Variants in ENO4 observed in about 807,000 individuals in gnomAD.
ENO4 encodes enolase 4, also known as 2-phospho-D-glycerate hydro-lyase.
Under a neutral mutation model 63.2 loss-of-function variants are expected in ENO4, and 53 were observed. That is an observed-to-expected ratio of 0.84 (90% CI 0.67 to 1.05). The LOEUF is 1.05. Ranked by LOEUF, ENO4 falls within the 50% of genes least tolerant of loss-of-function variation. The probability of loss-of-function intolerance (pLI) is 0.00; values close to 1 mark genes in which losing one functional copy is unlikely to be tolerated. For missense variants in ENO4, 719 were observed against 772.0 expected (o/e 0.93, Z 0.81); for synonymous variants, 266 against 283.8 (o/e 0.94, Z 0.63).
chr10:116,884,823 A>G (rs1847115561), downstream of ENO4: 1 of 155,896 alleles, frequency 6.4e-6, no homozygotes, highest in South Asian at 1.9e-4. Flanking sequence ...TGCCTTTTTA[A>G]TAAGTTGTGG....
intron 10 of ENO4, chr10:116,901,369 C>T (rs1472689674): frequency 3.4e-5 from 33 of 985,058 alleles, no homozygotes; most frequent in Admixed American, 6.2e-5. Flanking sequence ...GTTGTAAAAA[C>T]GTGCCCTTCT....
chr10:116,889,403 G>T (rs1438637773), intron 10 of ENO4, among the ~76,000 whole-genome samples: 1 of 152,202 alleles, frequency 6.6e-6, no homozygotes, highest in East Asian at 1.9e-4. Flanking sequence ...GCTACAATTT[G>T]AGAACCCCTT....
intron 9 of ENO4, among the ~76,000 whole-genome samples, chr10:116,872,423 T>C (rs1589761090): frequency 6.6e-6 from 1 of 151,966 alleles, no homozygotes; most frequent in Non-Finnish European, 1.5e-5. Context: ...TGGTGGCGGG[T>C]CTTTCCCATG....
Position 116,861,092 on chromosome 10 carries a change from A to C in ENO4, c.838A>C (p.Met280Leu). ...QPTTLSMPLL[M>L]VSLVSCGKSS... The stretch of plus-strand genomic sequence containing the variant: ...AACAACGCTATCTATGCCTTTGCTG[A>C]TGGTATCGCTGGTCAGCTGTGGGAA... Residue 280 changes from methionine (M) to leucine (L), a missense_variant, in exon 6 of 14, where the codon ATG (methionine) becomes CTG (leucine). Met to Leu is a conservative substitution (Grantham distance 15). Around this residue, in one of 3 missense-constraint regions of ENO4, gnomAD observed 544 missense variants for 583.6 expected, o/e 0.93. Coordinates refer to ENST00000341276, the MANE Select transcript of ENO4 (RefSeq NM_001242699.2). 1 of 1,549,420 alleles carries C rather than the reference A, an allele frequency of 6.5e-7. No homozygotes were observed. Among genetic ancestry groups the C allele is most frequent in the South Asian group, 1.2e-5 (1 of 83,810 alleles).
intron 10 of ENO4, among the ~76,000 whole-genome samples, chr10:116,897,544 A>G (rs561131729): frequency 6.6e-6 from 1 of 152,346 alleles, no homozygotes; most frequent in South Asian, 2.1e-4. Context: ...GGCCCACTCA[A>G]AAACCCAGGG....
intron 6 of ENO4, among the ~76,000 whole-genome samples, chr10:116,861,635 G>A (rs1846417421): frequency 6.6e-6 from 1 of 152,158 alleles, no homozygotes; most frequent in Non-Finnish European, 1.5e-5. Flanking sequence ...TAAATCTCAA[G>A]TTGCAGGTTC....
At chr10:116,854,160 C>A (rs1476839444) in intron 1 of ENO4, among the ~76,000 whole-genome samples, 1 of 152,150 alleles carries the variant, frequency 6.6e-6, no homozygotes, top group Non-Finnish European at 1.5e-5. Flanking sequence ...AGGCTCCCAA[C>A]AAGCCTCCTT....
chr10:116,873,814 GGT>G (rs1443134418), intron 9 of ENO4: 11 of 956,828 alleles, frequency 1.1e-5, no homozygotes. Flanking sequence ...TGTAATTCTT[GGT>G]GTTTTGTGTA....
downstream of ENO4, chr10:116,911,945 T>C: frequency 2.5e-6 from 2 of 802,594 alleles, no homozygotes; most frequent in Admixed American, 4.0e-5. Flanking sequence ...ATATTGGTAA[T>C]ATGTATGACT....
intron 10 of ENO4, among the ~76,000 whole-genome samples, chr10:116,898,409 C>G (rs778192201): frequency 6.6e-6 from 1 of 151,770 alleles, no homozygotes; most frequent in Non-Finnish European, 1.5e-5. Flanking sequence ...AATAAAATAT[C>G]TTACTATATT....
intron 9 of ENO4, chr10:116,873,753 T>C (rs1276178785): frequency 1.1e-5 from 4 of 366,516 alleles, no homozygotes; most frequent in East Asian, 1.6e-4. Flanking sequence ...ATTTATGTTA[T>C]TGTCCATCTA....
chr10:116,902,398 G>C (rs753103065), intron 10 of ENO4, among the ~76,000 whole-genome samples: 45 of 152,260 alleles, frequency 3.0e-4, no homozygotes, highest in South Asian at 6.2e-4. Context: ...GCTCATGAAG[G>C]CTTCTTGAGC....
At chr10:116,871,843 TG>T (rs1291079458) in intron 9 of ENO4, among the ~76,000 whole-genome samples, 4 of 152,206 alleles carry the variant, frequency 2.6e-5, no homozygotes, top group Non-Finnish European at 4.4e-5. Flanking sequence ...AGACTCCACC[TG>T]GGGACCACCC....
At chr10:116,863,669 A>C (rs1330529178) in intron 7 of ENO4, among the ~76,000 whole-genome samples, 1 of 152,212 alleles carries the variant, frequency 6.6e-6, no homozygotes, top group African/African-American at 2.4e-5. Context: ...ATACAATAGC[A>C]GTGTAACATG....
downstream of ENO4, chr10:116,884,069 C>T (rs1026884351): frequency 2.9e-6 from 1 of 344,516 alleles, no homozygotes; most frequent in African/African-American, 2.1e-5. Context: ...ATTTATCTTT[C>T]CCAAACAGAA....
chr10:116,864,522 T>C (rs2133260732), intron 7 of ENO4, among the ~76,000 whole-genome samples: 1 of 152,220 alleles, frequency 6.6e-6, no homozygotes, highest in South Asian at 2.1e-4. Context: ...TCTAAAATCT[T>C]TCCTGACATT....
chr10:116,879,217 A>G, intron 11 of ENO4, 74 bp from the exon 12 acceptor site: 1 of 1,072,764 alleles, frequency 9.3e-7, no homozygotes. Context: ...AGAAATTTTA[A>G]ATTTTGATCC....
At chr10:116,883,773 G>T (rs1847087560), downstream of ENO4, 1 of 159,214 alleles carries the variant, frequency 6.3e-6, no homozygotes, top group South Asian at 1.7e-4. Context: ...AAACTATGCT[G>T]GGTGCTAATA....
At chr10:116,889,136 G>A (rs755089019) in intron 10 of ENO4, among the ~76,000 whole-genome samples, 4 of 152,200 alleles carry the variant, frequency 2.6e-5, no homozygotes, top group African/African-American at 9.7e-5. Context: ...TTCCATGCTC[G>A]TGTGTGTCTG....
Sources: allele counts gnomAD v4.1 joint callset (sites outside exome capture counted in the v4.1 genomes callset), GRCh38; gene constraint gnomAD v4.1.1; regional missense constraint gnomAD v4.1.1; transcripts MANE v1.5; gene names NCBI Gene and HGNC (gene_info 2026-07-23, HGNC 2026-07-21).